The following OTUD7B variants were observed in gnomAD, a reference collection of about 807,000 sequenced individuals.
OTUD7B encodes OTU deubiquitinase 7B.
OTUD7B carries 34 observed loss-of-function variants against 82.2 expected under a neutral mutation model. The observed-to-expected ratio is 0.41, with a 90% CI of 0.31 to 0.55. OTUD7B has a LOEUF of 0.55. OTUD7B is among the 20% of genes least tolerant of loss of function. The pLI, the probability that OTUD7B is intolerant of heterozygous loss-of-function variation, is 0.20. For missense variants in OTUD7B, 944 were observed against 1,062.1 expected (o/e 0.89, Z 1.55); for synonymous variants, 398 against 402.7 (o/e 0.99, Z 0.14).
At chr1:150,067,525 G>C in the OTUD7B span, 1 of 310,284 alleles carries the variant, frequency 3.2e-6, no homozygotes. Flanking sequence ...ACTCTCTTGG[G>C]CTTCAGGCTG....
Position 149,943,312 on chromosome 1 carries a change from C to G in OTUD7B, c.*545G>C, listed in dbSNP as rs1647387904. On this transcript the variant is annotated 3_prime_UTR_variant, in exon 12 of 12. Coordinates refer to ENST00000581312, the MANE Select transcript of OTUD7B (RefSeq NM_020205.4). ...GGCACCCATGAGGACACATTACTGC[C>G]TTGTCTTTCCAGATCCTTCAAGGGG... 6.5e-6 allele frequency: 1 copy of G among 154,890 alleles called. No homozygotes were observed. Among genetic ancestry groups the G allele is most frequent in the East Asian group, 1.9e-4 (1 of 5,232 alleles). 9.6% of individuals were successfully genotyped at this position (154,890 alleles called of 1,614,324 possible). A position where few individuals can be genotyped will look rare whatever the true frequency, so the allele number is the denominator to read the frequency against.
At chr1:150,042,445 A>G in the OTUD7B span, among the ~76,000 whole-genome samples, 3 of 151,898 alleles carry the variant, frequency 2.0e-5, no homozygotes, top group South Asian at 2.1e-4. Context: ...AAGTGCTGGG[A>G]TTACAGGTTT....
At chr1:150,022,509 G>A in the OTUD7B span, among the ~76,000 whole-genome samples, 3,223 of 151,144 alleles carry the variant, frequency 0.021, 126 homozygotes, top group African/African-American at 0.074. Flanking sequence ...GAAAAGAGCC[G>A]TAACCACATG....
chr1:150,001,812 T>C (rs1652304489), intron 1 of OTUD7B, among the ~76,000 whole-genome samples: 2 of 152,260 alleles, frequency 1.3e-5, no homozygotes, highest in South Asian at 4.1e-4. Context: ...GAAAAGAATT[T>C]AAAAATCACA....
At chr1:150,031,575 C>T in the OTUD7B span, among the ~76,000 whole-genome samples, 4 of 152,072 alleles carry the variant, frequency 2.6e-5, no homozygotes, top group Non-Finnish European at 4.4e-5. Flanking sequence ...TTTTAAGCAC[C>T]AAAATATAGA....
At chr1:150,063,364 T>A in the OTUD7B span, among the ~76,000 whole-genome samples, 1 of 152,044 alleles carries the variant, frequency 6.6e-6, no homozygotes, top group Non-Finnish European at 1.5e-5. Flanking sequence ...GGCATGATAA[T>A]CACTAGAACC....
In OTUD7B at chr1:149,953,814, T is replaced by C. The variant is rs1451494873; in HGVS notation, c.846-3593A>G. Among the ~76,000 whole-genome samples the C allele has an allele frequency of 4.6e-5, 7 of 152,346 alleles. No individual in the cohort carries two copies. The East Asian group carries it at 1.4e-3, about 29-fold the overall frequency. On this transcript the variant is annotated intron_variant, in intron 7 of 11. Coordinates refer to ENST00000581312, the MANE Select transcript of OTUD7B (RefSeq NM_020205.4). ...TATTTTATTCTCTTTGAAGCAATTG[T>C]GAATGGGAGTTCACTCATGATTTGG...
the OTUD7B span, among the ~76,000 whole-genome samples, chr1:150,064,692 TA>T: frequency 6.6e-6 from 1 of 152,176 alleles, no homozygotes. Flanking sequence ...TTTATGCAAA[TA>T]TTTTTTTCAA....
the OTUD7B span, among the ~76,000 whole-genome samples, chr1:150,031,858 G>A: frequency 6.6e-6 from 1 of 152,162 alleles, no homozygotes; most frequent in Non-Finnish European, 1.5e-5. Flanking sequence ...CACATAATAA[G>A]GTCTATGTTA....
the OTUD7B span, among the ~76,000 whole-genome samples, chr1:150,027,492 C>T: frequency 3.3e-5 from 5 of 152,094 alleles, no homozygotes; most frequent in African/African-American, 9.7e-5. Flanking sequence ...GAGGCTGAGG[C>T]AGGAGAATCG....
intron 7 of OTUD7B, among the ~76,000 whole-genome samples, chr1:149,955,276 T>C (rs1255407788): frequency 1.3e-5 from 2 of 152,242 alleles, no homozygotes; most frequent in Non-Finnish European, 2.9e-5. Flanking sequence ...AACATCTTTA[T>C]TTCTGCCTTC....
At chr1:149,969,608 A>G (rs1337197738) in intron 3 of OTUD7B, among the ~76,000 whole-genome samples, 1 of 152,204 alleles carries the variant, frequency 6.6e-6, no homozygotes, top group Non-Finnish European at 1.5e-5. Context: ...CCCCATCTCC[A>G]CTAAAAATGC....
the OTUD7B span, among the ~76,000 whole-genome samples, chr1:150,048,160 C>G: frequency 6.6e-6 from 1 of 152,100 alleles, no homozygotes; most frequent in Non-Finnish European, 1.5e-5. Flanking sequence ...TCTGCCCCTA[C>G]ATTTATGCAG....
intron 1 of OTUD7B, among the ~76,000 whole-genome samples, chr1:150,007,393 C>G (rs1301599293): frequency 1.3e-5 from 2 of 152,190 alleles, no homozygotes; most frequent in Non-Finnish European, 2.9e-5. Flanking sequence ...ACTCAGAAAT[C>G]TCCCCAATTT....
rs587743827 is a variant in OTUD7B at position 149,975,762 on chromosome 1, C to A, written c.85+1664G>T. On this transcript the variant is annotated intron_variant, in intron 2 of 11. Coordinates refer to ENST00000581312, the MANE Select transcript of OTUD7B (RefSeq NM_020205.4). ...ATGCAAATTAGGCTGGGCAGGGTGGCTCATGCCTGCCAGCACTTTGGGAGG... is the reference window on the plus strand; with the variant it reads ...ATGCAAATTAGGCTGGGCAGGGTGGATCATGCCTGCCAGCACTTTGGGAGG... 3.9e-5 allele frequency among the ~76,000 whole-genome samples: 6 copies of A among 152,194 alleles called. No individual in the cohort carries two copies. The East Asian group carries it at 1.2e-3, about 29-fold the overall frequency.
At chr1:149,997,904 T>C (rs1333298133) in intron 1 of OTUD7B, among the ~76,000 whole-genome samples, 9 of 152,154 alleles carry the variant, frequency 5.9e-5, no homozygotes, top group African/African-American at 2.2e-4. Context: ...GAACGGACGA[T>C]ACACACCAAG....
chr1:149,977,721 A>G (rs1650425138), intron 1 of OTUD7B, 145 bp from the exon 2 acceptor site: 1 of 524,138 alleles, frequency 1.9e-6, no homozygotes, highest in Non-Finnish European at 3.4e-6. Flanking sequence ...CTTTAAAATT[A>G]TGAAGAGTAA....
At chr1:149,969,197 C>A (rs1317683727) in intron 3 of OTUD7B, among the ~76,000 whole-genome samples, 1 of 152,052 alleles carries the variant, frequency 6.6e-6, no homozygotes, top group Non-Finnish European at 1.5e-5. Context: ...GTGGTGCGTG[C>A]CCATGCTCCC....
the OTUD7B span, chr1:150,054,903 G>T: frequency 2.3e-5 from 6 of 263,912 alleles, no homozygotes; most frequent in Admixed American, 9.5e-5. Flanking sequence ...TTACAGAGCA[G>T]CACAAGATTG....
Sources: allele counts gnomAD v4.1 joint callset (sites outside exome capture counted in the v4.1 genomes callset), GRCh38; gene constraint gnomAD v4.1.1; transcripts MANE v1.5; gene names NCBI Gene and HGNC (gene_info 2026-07-23, HGNC 2026-07-21).